SLF1: variants seen among roughly 807,000 people sequenced by gnomAD.
SLF1 encodes SMC5/6 complex localization factor 1.
SLF1 carries 105 observed loss-of-function variants against 123.0 expected under a neutral mutation model. That is an observed-to-expected ratio of 0.85 (90% confidence interval 0.73 to 1.00). The LOEUF (loss-of-function observed/expected upper bound fraction) is 1.00, where lower values mean the gene tolerates loss of function less well. Among genes scored for constraint, SLF1 ranks in the 50% least tolerant of loss-of-function variants. The pLI is 0.00. For missense variants in SLF1, 1,239 were observed against 1,223.0 expected (o/e 1.01, Z -0.20); for synonymous variants, 434 against 406.6 (o/e 1.07, Z -0.81).
chr5:94,649,569 C>T lies in SLF1; in HGVS notation c.710C>T (p.Ala237Val), dbSNP rs776828314. 2 of 1,525,436 alleles carry T rather than the reference C, an allele frequency of 1.3e-6. No homozygotes were observed. Among genetic ancestry groups the T allele is most frequent in the Non-Finnish European group, 1.8e-6 (2 of 1,129,634 alleles). The allele number at this position is 1,525,436 out of a possible 1,614,324, so 94.5% of individuals were successfully genotyped here. ...GCAGGATTTCTTGAAATGAAAGGTG[C>T]CTTAAGAGAGACCATGTATAGAACC... ...KDAGFLEMKGALRETMYRTQK... is the reference protein window; with the variant it reads ...KDAGFLEMKGVLRETMYRTQK... The change falls in exon 6 of 21, where the codon GCC becomes GTC. Residue 237 changes from alanine to valine, a missense_variant. Transcript: ENST00000265140.
intron 3 of SLF1, among the ~76,000 whole-genome samples, chr5:94,629,428 A>G (rs557374521): frequency 1.8e-4 from 27 of 152,186 alleles, no homozygotes; most frequent in Admixed American, 1.2e-3. Flanking sequence ...AAAAAAATAC[A>G]TTAATGAAAA....
rs956368559 is a variant in SLF1, at chr5:94,670,232, A to C, written c.1614A>C (p.Lys538Asn). The change falls in exon 13 of 21, where the codon AAA becomes AAC. Residue 538 changes from lysine to asparagine, a missense_variant. Lys to Asn is a moderately conservative substitution (Grantham distance 94). Transcript: ENST00000265140. ...GSKVLHLTLL[K>N]FFFNLIESEV... ...AGGTGCTCCACCTGACGCTACTCAA[A>C]TTTTTCTTTAATTTAATTGAAAGTG... 1 of 1,515,882 alleles carries C rather than the reference A, an allele frequency of 6.6e-7. No individual in the cohort carries two copies. The allele number at this position is 1,515,882 out of a possible 1,614,324, so 93.9% of individuals were successfully genotyped here. A position where few individuals can be genotyped will look rare whatever the true frequency, so the allele number is the denominator to read the frequency against.
At chr5:94,618,965 C>T (rs936580617) in intron 1 of SLF1, among the ~76,000 whole-genome samples, 200 bp downstream of exon 1, 1 of 152,186 alleles carries the variant, frequency 6.6e-6, no homozygotes, top group African/African-American at 2.4e-5. Context: ...CGCTCGGCGC[C>T]GGAGTTGGTG....
intron 14 of SLF1, among the ~76,000 whole-genome samples, chr5:94,672,392 T>C (rs955017778): frequency 6.6e-6 from 1 of 152,022 alleles, no homozygotes; most frequent in African/African-American, 2.4e-5. Flanking sequence ...ACTTACGTTA[T>C]ACCTTTTCTT....
Position 94,651,791 on chromosome 5 carries a change from T to C in SLF1, c.828T>C (p.Asp276=). 6.6e-7 allele frequency: 1 copy of C among 1,514,324 alleles called. No individual in the cohort carries two copies. 93.8% of individuals were successfully genotyped at this position (1,514,324 alleles called of 1,614,324 possible). The part of the protein sequence containing the change: ...KKEKFSGSSK[D]LKFVKMRNTF... ...AAAAATTCAGTGGTTCCAGTAAAGA[T>C]TTGAAATTTGTTAAAATGAGAAATA... Residue 276 remains aspartate (D), a synonymous_variant, in exon 7 of 21, where the codon GAT becomes GAC. Coordinates refer to ENST00000265140, the MANE Select transcript of SLF1 (RefSeq NM_032290.4).
intron 1 of SLF1, among the ~76,000 whole-genome samples, chr5:94,623,132 TC>T (rs1289225845): frequency 6.6e-6 from 1 of 152,182 alleles, no homozygotes; most frequent in Admixed American, 6.5e-5. Context: ...TAAATAGTGT[TC>T]TTAATTAAGA....
intron 9 of SLF1, among the ~76,000 whole-genome samples, chr5:94,660,699 C>A (rs2152484199): frequency 6.6e-6 from 1 of 152,308 alleles, no homozygotes; most frequent in Non-Finnish European, 1.5e-5. Context: ...GACAACCCCC[C>A]AGTGGGCCAC....
In SLF1 at chr5:94,678,782, G is replaced by C. The variant is rs771015200; in HGVS notation, c.1828-26G>C. On this transcript the variant is annotated intron_variant, in intron 14 of 20. Transcript: ENST00000265140. ...AAATTCAATATTGTAATATATTTTAGTAATTTTTTTGTATCTTAATGTTAG... is the reference window on the plus strand; with the variant it reads ...AAATTCAATATTGTAATATATTTTACTAATTTTTTTGTATCTTAATGTTAG... 2.0e-5 allele frequency: 31 copies of C among 1,574,006 alleles called. No homozygotes were observed. The East Asian group carries it at 5.8e-4, about 29-fold the overall frequency.
Position 94,663,926 on chromosome 5 carries a change from G to A in SLF1, c.1368+18G>A, listed in dbSNP as rs1310271960. 6.9e-6 allele frequency: 10 copies of A among 1,458,080 alleles called. No homozygotes were observed. The highest frequency in any genetic ancestry group is 1.5e-5 in the South Asian group (1 of 68,772). 90.3% of individuals were successfully genotyped at this position (1,458,080 alleles called of 1,614,324 possible). Reference sequence around the variant, plus strand: ...TTCTACAGGTAAGAGCAGCCTTAAGGATTTATAATCTTTTTTTCAAAGAAT... The same window carrying A: ...TTCTACAGGTAAGAGCAGCCTTAAGAATTTATAATCTTTTTTTCAAAGAAT... On this transcript the variant is annotated intron_variant, in intron 11 of 20. Transcript: ENST00000265140.
chr5:94,659,403 C>A (rs1213829493), intron 9 of SLF1, among the ~76,000 whole-genome samples: 2 of 152,076 alleles, frequency 1.3e-5, no homozygotes, highest in Non-Finnish European at 2.9e-5. Context: ...TGTTGTCTTG[C>A]TTTTTCACCT....
chr5:94,657,148 G>T (rs1221536341), intron 9 of SLF1, among the ~76,000 whole-genome samples: 2 of 151,312 alleles, frequency 1.3e-5, no homozygotes, highest in Non-Finnish European at 3.0e-5. Flanking sequence ...TTGATTATTT[G>T]AGATCTTTCT....
chr5:94,628,621 A>G (rs189850150), intron 1 of SLF1, among the ~76,000 whole-genome samples, 190 bp from the exon 2 acceptor site: 24 of 152,366 alleles, frequency 1.6e-4, no homozygotes, highest in African/African-American at 5.3e-4. Context: ...TTTTGAGAAG[A>G]TAACTTTTAA....
chr5:94,641,027 C>T (rs1439316852), intron 4 of SLF1, among the ~76,000 whole-genome samples: 6 of 151,670 alleles, frequency 4.0e-5, no homozygotes, highest in Admixed American at 6.6e-5. Flanking sequence ...TATTGCATGC[C>T]GGATATCACA....
chr5:94,682,117 CTCA>C (rs571026586), intron 15 of SLF1, among the ~76,000 whole-genome samples: 16 of 152,260 alleles, frequency 1.1e-4, no homozygotes, highest in African/African-American at 2.9e-4. Context: ...CAATTTAAAT[CTCA>C]TCTAAAGTTT....
At chr5:94,637,334 G>T (rs911924290) in intron 4 of SLF1, among the ~76,000 whole-genome samples, 10 of 152,102 alleles carry the variant, frequency 6.6e-5, no homozygotes, top group African/African-American at 2.4e-4. Flanking sequence ...TGCTACCTTT[G>T]CATTGATTTT....
chr5:94,685,371 C>T (rs1426974797), intron 15 of SLF1, among the ~76,000 whole-genome samples: 1 of 152,070 alleles, frequency 6.6e-6, no homozygotes, highest in Non-Finnish European at 1.5e-5. Context: ...CTTTATTCTT[C>T]CAGTATTTAT....
chr5:94,636,821 G>A lies in SLF1; in HGVS notation c.431+6078G>A, dbSNP rs191683312. On this transcript the variant is annotated intron_variant, in intron 4 of 20. Transcript: ENST00000265140. Reference sequence around the variant, plus strand: ...CAACCTCCTCCTCCTGGGTTCAAGCGAATCCCCTGCCTCAGCCTCCCAAGT... The same window carrying A: ...CAACCTCCTCCTCCTGGGTTCAAGCAAATCCCCTGCCTCAGCCTCCCAAGT... Among the ~76,000 whole-genome samples the A allele has an allele frequency of 6.0e-3, 882 of 146,292 alleles. 10 individuals carry two copies. The highest frequency in any genetic ancestry group is 0.021 in the African/African-American group (848 of 39,516).
At chr5:94,619,573 G>T (rs7735517) in intron 1 of SLF1, among the ~76,000 whole-genome samples, 226 of 152,166 alleles carry the variant, frequency 1.5e-3, no homozygotes, top group African/African-American at 5.2e-3. Context: ...TTTTGGAGGC[G>T]CCAGCCTCTT....
rs997979682 is a variant in SLF1 at position 94,671,511 on chromosome 5, G to A, written c.1827+503G>A. ...TATTATCCATCTCAAGGATAATAGC[G>A]TATATAGCAACATAACTTTGGCACA... is the stretch of plus-strand genomic sequence containing the variant. On this transcript the variant is annotated intron_variant, in intron 14 of 20. Coordinates refer to ENST00000265140, the MANE Select transcript of SLF1 (RefSeq NM_032290.4). Among the ~76,000 whole-genome samples the A allele has an allele frequency of 9.2e-5, 14 of 151,798 alleles. No individual in the cohort carries two copies. In the East Asian group the frequency reaches 2.1e-3, roughly 23 times the overall value.
Sources: gnomAD v4.1 joint callset for allele counts (sites outside exome capture counted in the v4.1 genomes callset) on GRCh38, gnomAD v4.1.1 for gene constraint, MANE v1.5 for transcripts, NCBI Gene and HGNC (gene_info 2026-07-23, HGNC 2026-07-21) for gene names.